IL6ST: variants seen among roughly 807,000 people sequenced by gnomAD.
IL6ST encodes the protein interleukin 6 cytokine family signal transducer.
A neutral mutation model predicts 91.3 loss-of-function variants in IL6ST; 24 were observed. That is an observed-to-expected ratio of 0.26 (90% CI 0.19 to 0.37). The LOEUF (loss-of-function observed/expected upper bound fraction) is 0.37. IL6ST is among the 10% of genes least tolerant of loss of function. The pLI is 1.00. For missense variants in IL6ST, 914 were observed against 1,078.5 expected, an observed-to-expected ratio of 0.85 and a Z score of 2.14; for synonymous variants, 351 against 373.6, an observed-to-expected ratio of 0.94 and a Z score of 0.70.
intron 5 of IL6ST, among the ~76,000 whole-genome samples, chr5:55,965,326 T>G (rs576531489): frequency 6.6e-6 from 1 of 152,260 alleles, no homozygotes; most frequent in Admixed American, 6.5e-5. Flanking sequence ...GTCAACTATG[T>G]TTTTCAGTTC....
intron 11 of IL6ST, among the ~76,000 whole-genome samples, chr5:55,953,676 G>A (rs1185695573): frequency 2.0e-5 from 3 of 152,196 alleles, no homozygotes; most frequent in Non-Finnish European, 4.4e-5. Flanking sequence ...GTGAGCCACC[G>A]CATCGGCTGC....
rs1174841225 is a variant in IL6ST at position 55,938,431 on chromosome 5, C to T, written c.*2651G>A. ...CCCTTTCAGAGATGAGGGTAGGATA[C>T]CACAGACATCAGTAACTGACAAGTT... is the stretch of plus-strand genomic sequence containing the variant. On this transcript the variant is annotated 3_prime_UTR_variant, in exon 17 of 17. Coordinates refer to ENST00000381298, the MANE Select transcript of IL6ST (RefSeq NM_002184.4). 14 of 192,468 alleles carry T rather than the reference C, an allele frequency of 7.3e-5. No homozygotes were observed. Among genetic ancestry groups the T allele is most frequent in the Non-Finnish European group, 1.3e-4 (12 of 92,190 alleles). 11.9% of individuals were successfully genotyped at this position (192,468 alleles called of 1,614,324 possible). A position where few individuals can be genotyped will look rare whatever the true frequency, so the allele number is the denominator to read the frequency against.
rs1003001266 is a variant in IL6ST at position 55,956,075 on chromosome 5, A to G, written c.1217T>C (p.Val406Ala). Residue 406 changes from valine to alanine, a missense_variant, in exon 10 of 17, where the codon GTT (valine) becomes GCT (alanine). By Grantham distance (64) the Val-to-Ala change is moderately conservative. Transcript: ENST00000381298. ...YLATLTVRNL[V>A]GKSDAAVLTI... The stretch of plus-strand genomic sequence containing the variant: ...TAAAACAGCTGCATCTGATTTGCCA[A>G]CAAGATTTCTTACTGTTAGGGTTGC... The G allele has an allele frequency of 4.3e-6, 7 of 1,613,874 alleles. No homozygotes were observed. The highest frequency in any genetic ancestry group is 5.9e-6 in the Non-Finnish European group (7 of 1,179,784).
chr5:55,963,302 T>G (rs1025482262), intron 7 of IL6ST, 50 bp downstream of exon 7: 2 of 1,301,240 alleles, frequency 1.5e-6, no homozygotes, highest in Non-Finnish European at 2.1e-6. Flanking sequence ...TTTTTAAGAT[T>G]AGAGGGTTGA....
At position 55,942,718 on chromosome 5, in the gene IL6ST, A is replaced by G. The variant is rs1397765686; in HGVS notation, c.1971T>C (p.Asp657=). 2 of 1,609,072 alleles carry G rather than the reference A, an allele frequency of 1.2e-6. No individual in the cohort carries two copies. The highest frequency in any genetic ancestry group is 8.5e-7 in the Non-Finnish European group (1 of 1,176,692). The change falls in exon 16 of 17, where the codon GAT becomes GAC. Residue 657 remains aspartate, a synonymous_variant. Transcript: ENST00000381298. ...IKKHIWPNVP[D]PSKSHIAQWS... ...ACTGGGCAATATGACTCTTTGAAGG[A>G]TCTGGAACATTAGGCCAGATGTGTT... is the stretch of plus-strand genomic sequence containing the variant.
At chr5:55,965,827 A>C (rs534965268) in intron 5 of IL6ST, among the ~76,000 whole-genome samples, 45 of 151,914 alleles carry the variant, frequency 3.0e-4, no homozygotes, top group African/African-American at 8.0e-4. Flanking sequence ...AAAAAAAAAA[A>C]AAAAAGGATG....
chr5:55,989,252 T>TC (rs1212971350), intron 1 of IL6ST, among the ~76,000 whole-genome samples: 3 of 150,790 alleles, frequency 2.0e-5, no homozygotes, highest in African/African-American at 7.4e-5. Context: ...CAAAACACAC[T>TC]CAAGTGTATA....
chr5:55,978,282 A>T (rs1319926377), intron 2 of IL6ST: 1 of 152,258 alleles, frequency 6.6e-6, no homozygotes, highest in African/African-American at 2.4e-5. Flanking sequence ...CAGGAAAGAA[A>T]GACAGATCTT....
rs145618093 is a variant in IL6ST, at chr5:55,941,314, T to C, written c.2525A>G (p.Glu842Gly). 2.7e-4 allele frequency: 436 copies of C among 1,614,074 alleles called. No individual in the cohort carries two copies. In the African/African-American group the frequency reaches 3.3e-3, roughly 12 times the overall value. Residue 842 changes from glutamate (E) to glycine (G), a missense_variant, in exon 17 of 17, where the codon GAG becomes GGG. Glu to Gly is a moderately conservative substitution (Grantham distance 98). Transcript: ENST00000381298. Reference sequence around the variant, plus strand: ...CTGTTTAAGTCTAACAAAATCTTCCTCATTGACTGATGAAACTTGCTTTGA... The same window carrying C: ...CTGTTTAAGTCTAACAAAATCTTCCCCATTGACTGATGAAACTTGCTTTGA... Reference protein sequence around the residue: ...ERSKQVSSVNEEDFVRLKQQI... With the variant: ...ERSKQVSSVNGEDFVRLKQQI...
At chr5:55,977,333 T>C (rs1351339914) in intron 2 of IL6ST, among the ~76,000 whole-genome samples, 1 of 151,672 alleles carries the variant, frequency 6.6e-6, no homozygotes, top group African/African-American at 2.4e-5. Flanking sequence ...GCTCGAGCAA[T>C]CCTCCTGCCT....
At chr5:55,962,902 G>C (rs182560022) in intron 7 of IL6ST, among the ~76,000 whole-genome samples, 1 of 152,038 alleles carries the variant, frequency 6.6e-6, no homozygotes, top group African/African-American at 2.4e-5. Flanking sequence ...ATCGCTTAAG[G>C]CCAGGAGTTT....
intron 7 of IL6ST, among the ~76,000 whole-genome samples, chr5:55,962,828 T>C (rs1221420603): frequency 6.6e-6 from 1 of 152,142 alleles, no homozygotes; most frequent in Non-Finnish European, 1.5e-5. Flanking sequence ...AAAATGCCAT[T>C]TCTAGGCTGG....
chr5:55,959,551 A>G (rs1263444273), intron 8 of IL6ST: 1 of 637,144 alleles, frequency 1.6e-6, no homozygotes, highest in Non-Finnish European at 2.4e-6. Flanking sequence ...TTTAGACTGT[A>G]CACTCTTTTT....
Position 55,956,252 on chromosome 5 carries a change from T to C in IL6ST, c.1057-17A>G. On this transcript the variant is annotated splice_polypyrimidine_tract_variant and intron_variant, in intron 9 of 16. Transcript: ENST00000381298. ...AGGCAATGTCTGTAATAAAATAGTT[T>C]ATTTTTAAAAATAATCTCATAAATC... 7.1e-7 allele frequency: 1 copy of C among 1,403,386 alleles called. No individual in the cohort carries two copies. Among genetic ancestry groups the C allele is most frequent in the Non-Finnish European group, 1.0e-6 (1 of 1,001,846 alleles). The allele number at this position is 1,403,386 out of a possible 1,614,324, so 86.9% of individuals were successfully genotyped here. A position where few individuals can be genotyped will look rare whatever the true frequency, so the allele number is the denominator to read the frequency against.
chr5:55,957,363 T>C, intron 8 of IL6ST, 72 bp from the exon 9 acceptor site: 1 of 783,922 alleles, frequency 1.3e-6, no homozygotes, highest in Non-Finnish European at 2.1e-6. Context: ...AAATTATTCT[T>C]TTACTTTGTT....
chr5:55,984,302 G>A (rs971152965), intron 1 of IL6ST, among the ~76,000 whole-genome samples: 1 of 152,060 alleles, frequency 6.6e-6, no homozygotes, highest in Non-Finnish European at 1.5e-5. Context: ...TTTTCTTTTT[G>A]TTTGTTATGG....
chr5:55,964,673 A>T (rs1561181466), intron 5 of IL6ST, among the ~76,000 whole-genome samples: 1 of 152,038 alleles, frequency 6.6e-6, no homozygotes, highest in Non-Finnish European at 1.5e-5. Context: ...CTTTAAGCAC[A>T]ATATGCTAGA....
At chr5:55,942,310 T>C (rs936983900) in intron 16 of IL6ST, among the ~76,000 whole-genome samples, 1 of 152,226 alleles carries the variant, frequency 6.6e-6, no homozygotes, top group Non-Finnish European at 1.5e-5. Context: ...CTGTTGAACT[T>C]GGTTTTAATA....
intron 2 of IL6ST, among the ~76,000 whole-genome samples, chr5:55,976,766 G>C (rs934753706): frequency 6.6e-6 from 1 of 152,138 alleles, no homozygotes; most frequent in African/African-American, 2.4e-5. Flanking sequence ...AAACATATTT[G>C]AATAGTTTAT....
Sources: gnomAD v4.1 joint callset for allele counts (sites outside exome capture counted in the v4.1 genomes callset) on GRCh38, gnomAD v4.1.1 for gene constraint, MANE v1.5 for transcripts, NCBI Gene and HGNC (gene_info 2026-07-23, HGNC 2026-07-21) for gene names.